Variants in PIK3R1 observed in about 807,000 individuals in gnomAD.
The protein encoded by PIK3R1 is phosphatidylinositol 3-kinase regulatory subunit alpha.
In PIK3R1, 29 loss-of-function variants were observed where a neutral mutation model predicts 98.0. That is an observed-to-expected ratio of 0.30 (90% CI 0.22 to 0.40). The LOEUF (loss-of-function observed/expected upper bound fraction) is 0.40. Among genes scored for constraint, PIK3R1 ranks in the 10% least tolerant of loss-of-function variants. The pLI, the probability that PIK3R1 is intolerant of heterozygous loss-of-function variation, is 1.00. For missense variants in PIK3R1, 596 were observed against 872.7 expected, an observed-to-expected ratio of 0.68 and a Z score of 3.99; for synonymous variants, 282 against 311.8, an observed-to-expected ratio of 0.90 and a Z score of 1.01.
chr5:68,289,454 GT>G (rs1261380348), intron 7 of PIK3R1, among the ~76,000 whole-genome samples: 6 of 151,756 alleles, frequency 4.0e-5, no homozygotes, highest in Non-Finnish European at 8.8e-5. Flanking sequence ...AGTCTCAAGG[GT>G]TTCTGTGTTT....
rs3730090 is a variant in PIK3R1 at position 68,293,360 on chromosome 5, C to T, written c.1176C>T (p.Phe392=). The T allele has an allele frequency of 0.029, 47,053 of 1,612,240 alleles. 2,139 individuals are homozygous for T. Among genetic ancestry groups the T allele is most frequent in the East Asian group, 0.16 (6,988 of 44,804 alleles). Residue 392 remains phenylalanine, a synonymous_variant, in exon 10 of 16, where the codon TTC becomes TTT. Coordinates refer to ENST00000521381, the MANE Select transcript of PIK3R1 (RefSeq NM_181523.3). Reference sequence around the variant, plus strand: ...TTCATCGAGATGGGAAATATGGCTTCTCTGACCCATTAACCTTCAGTTCTG... The same window carrying T: ...TTCATCGAGATGGGAAATATGGCTTTTCTGACCCATTAACCTTCAGTTCTG... ...KIFHRDGKYG[F]SDPLTFSSVV...
chr5:68,267,679 A>T (rs950864843), intron 2 of PIK3R1, among the ~76,000 whole-genome samples: 1 of 151,874 alleles, frequency 6.6e-6, no homozygotes, highest in African/African-American at 2.4e-5. Context: ...TTTCGGCCAC[A>T]CTCAATATAA....
intron 2 of PIK3R1, among the ~76,000 whole-genome samples, chr5:68,256,559 A>G (rs1745524420): frequency 6.6e-6 from 1 of 152,166 alleles, no homozygotes; most frequent in African/African-American, 2.4e-5. Context: ...AGGGCTACAT[A>G]AATTCAAGGT....
intron 2 of PIK3R1, among the ~76,000 whole-genome samples, chr5:68,246,440 G>A (rs2112046584): frequency 6.6e-6 from 1 of 151,858 alleles, no homozygotes; most frequent in African/African-American, 2.4e-5. Context: ...AGCCCCCCAG[G>A]TAGCTGAGAT....
At chr5:68,281,270 T>C (rs1580246011) in intron 7 of PIK3R1, among the ~76,000 whole-genome samples, 1 of 152,358 alleles carries the variant, frequency 6.6e-6, no homozygotes, top group Non-Finnish European at 1.5e-5. Context: ...TCAACATTTA[T>C]GCTTCAGGTT....
chr5:68,301,404 A>ATATATATATATATATATATATGTGTGTG lies in PIK3R1; in HGVS notation c.*3824_*3825insGTGTGTGTATATATATATATATATATAT, dbSNP rs1561308221. The ATATATATATATATATATATATGTGTGTG allele has an allele frequency of 1.2e-5, 1 of 85,416 alleles. No homozygotes were observed. Among genetic ancestry groups the ATATATATATATATATATATATGTGTGTG allele is most frequent in the Non-Finnish European group, 2.2e-5 (1 of 45,638 alleles). The allele number at this position is 85,416 out of a possible 1,614,324, so 5.3% of individuals were successfully genotyped here. ...TGTGTGTGTGTGTGTATATATATAT[A>ATATATATATATATATATATATGTGTGTG]TATATATATATATATATATATATAT... On this transcript the variant is annotated 3_prime_UTR_variant, in exon 16 of 16. Transcript: ENST00000521381.
Position 68,299,970 on chromosome 5 carries a change from CAGTT to C in PIK3R1, c.*2371_*2374del, listed in dbSNP as rs1303269557. ...CCTTCTAGATCATACACAAGTCTAA[CAGTT>C]AATTAGTTAACAGTTTTTAAACTAG... is the stretch of plus-strand genomic sequence containing the variant. On this transcript the variant is annotated 3_prime_UTR_variant, in exon 16 of 16. Coordinates refer to ENST00000521381, the MANE Select transcript of PIK3R1 (RefSeq NM_181523.3). The C allele has an allele frequency of 8.6e-6, 2 of 233,078 alleles. No homozygotes were observed. Among genetic ancestry groups the C allele is most frequent in the African/African-American group, 2.2e-5 (1 of 45,342 alleles). 14.4% of individuals were successfully genotyped at this position (233,078 alleles called of 1,614,324 possible).
At chr5:68,257,789 A>G (rs978250102) in intron 2 of PIK3R1, among the ~76,000 whole-genome samples, 14 of 152,290 alleles carry the variant, frequency 9.2e-5, no homozygotes, top group African/African-American at 2.6e-4. Flanking sequence ...TAACATTTCC[A>G]AAGGAAACTC....
At chr5:68,292,452 C>A in intron 8 of PIK3R1, 91 bp downstream of exon 8, 2 of 1,434,052 alleles carry the variant, frequency 1.4e-6, no homozygotes, top group Non-Finnish European at 2.0e-6. Context: ...GGATATCATC[C>A]AACATAAGCA....
intron 2 of PIK3R1, among the ~76,000 whole-genome samples, chr5:68,239,606 G>A (rs1744796307): frequency 6.6e-6 from 1 of 152,162 alleles, no homozygotes. Context: ...AGCTAGTGGA[G>A]GAGCTGGGAT....
chr5:68,288,806 C>T (rs1470482165), intron 7 of PIK3R1: 2 of 1,577,414 alleles, frequency 1.3e-6, no homozygotes, highest in Non-Finnish European at 1.7e-6. Flanking sequence ...CGGTGCCTTT[C>T]TGTAGTTTGT....
At chr5:68,233,564 TATAA>T (rs919169950) in intron 2 of PIK3R1, among the ~76,000 whole-genome samples, 3 of 152,268 alleles carry the variant, frequency 2.0e-5, no homozygotes, top group Non-Finnish European at 4.4e-5. Flanking sequence ...CAGACTACTT[TATAA>T]ATGTGTTATT....
chr5:68,256,071 C>G (rs1404212028), intron 2 of PIK3R1, among the ~76,000 whole-genome samples: 1 of 152,150 alleles, frequency 6.6e-6, no homozygotes, highest in East Asian at 1.9e-4. Flanking sequence ...GTGCATAGTT[C>G]AAAGCAACCT....
chr5:68,237,506 C>A (rs1037135107), intron 2 of PIK3R1, among the ~76,000 whole-genome samples: 1 of 151,040 alleles, frequency 6.6e-6, no homozygotes, highest in Non-Finnish European at 1.5e-5. Flanking sequence ...TGACATTGCC[C>A]AGAGATAGTC....
rs777387451 is a variant in PIK3R1 at position 68,295,538 on chromosome 5, G to GA, written c.1814+54dup. On this transcript the variant is annotated intron_variant, in intron 14 of 15. Transcript: ENST00000521381. ...TAGCAGAAGATTTTTCTCATTTTAGGAAAATGCATGACTTGCTTTGTTTTT... is the reference window on the plus strand; with the variant it reads ...TAGCAGAAGATTTTTCTCATTTTAGGAAAAATGCATGACTTGCTTTGTTTTT... 30 of 1,439,698 alleles carry GA rather than the reference G, an allele frequency of 2.1e-5. No individual in the cohort carries two copies. The South Asian group carries it at 3.3e-4, about 16-fold the overall frequency. The allele number at this position is 1,439,698 out of a possible 1,614,324, so 89.2% of individuals were successfully genotyped here.
In PIK3R1 at chr5:68,273,965, A is replaced by G. The variant is rs755832967; in HGVS notation, c.454A>G (p.Thr152Ala). The change falls in exon 4 of 16, where the codon ACA (threonine) becomes GCA (alanine). Residue 152 changes from threonine to alanine, a missense_variant. Physicochemically the swap from Thr to Ala is moderately conservative, Grantham distance 58. This residue lies in a region of PIK3R1 where 352 missense variants were observed against 393.3 expected (regional missense o/e 0.90). Coordinates refer to ENST00000521381, the MANE Select transcript of PIK3R1 (RefSeq NM_181523.3). ...TCTGGAATGTTCAACTCTATACAGA[A>G]CACAGAGCTCCAGCAACCTGGCAGA... is the stretch of plus-strand genomic sequence containing the variant. The part of the protein sequence containing the change: ...KGLECSTLYR[T>A]QSSSNLAELR... 10 of 1,613,838 alleles carry G rather than the reference A, an allele frequency of 6.2e-6. No individual in the cohort carries two copies. Among genetic ancestry groups the G allele is most frequent in the South Asian group, 1.1e-5 (1 of 91,086 alleles).
chr5:68,295,409 CTG>C lies in PIK3R1; in HGVS notation c.1746-9_1746-8del, dbSNP rs1360058984. On this transcript the variant is annotated splice_polypyrimidine_tract_variant and intron_variant, in intron 13 of 15. Coordinates refer to ENST00000521381, the MANE Select transcript of PIK3R1 (RefSeq NM_181523.3). ...GAGTTAATGCGTTCTCTTTTCAAAA[CTG>C]TTTTTCAGGTGGTTGACTCAAAAAG... is the stretch of plus-strand genomic sequence containing the variant. The C allele has an allele frequency of 2.5e-6, 4 of 1,614,092 alleles. No homozygotes were observed. Among genetic ancestry groups the C allele is most frequent in the South Asian group, 1.1e-5 (1 of 91,082 alleles).
At chr5:68,285,914 A>C (rs1317600362) in intron 7 of PIK3R1, among the ~76,000 whole-genome samples, 2 of 152,206 alleles carry the variant, frequency 1.3e-5, no homozygotes, top group Non-Finnish European at 2.9e-5. Context: ...TAAAATTATG[A>C]AGAGAGGTAT....
Position 68,275,092 on chromosome 5 carries a change from A to G in PIK3R1, c.502+1079A>G, listed in dbSNP as rs56164910. Among the ~76,000 whole-genome samples, 676 of 152,358 alleles carry G rather than the reference A, an allele frequency of 4.4e-3. 10 individuals carry two copies. Among genetic ancestry groups the G allele is most frequent in the African/African-American group, 0.015 (637 of 41,592 alleles). On this transcript the variant is annotated intron_variant, in intron 4 of 15. Transcript: ENST00000521381. Reference sequence around the variant, plus strand: ...AGGAGGAGACTAGACCTTTATCAGTATCAGTAAATTCTTACACTTGAAATG... The same window carrying G: ...AGGAGGAGACTAGACCTTTATCAGTGTCAGTAAATTCTTACACTTGAAATG...
Sources: allele counts gnomAD v4.1 joint callset (sites outside exome capture counted in the v4.1 genomes callset), GRCh38; gene constraint gnomAD v4.1.1; regional missense constraint gnomAD v4.1.1; transcripts MANE v1.5; gene names NCBI Gene and HGNC (gene_info 2026-07-23, HGNC 2026-07-21).